SFSWAP: variants seen among roughly 807,000 people sequenced by gnomAD.
The protein encoded by SFSWAP is splicing factor, suppressor of white-apricot homolog.
Under a neutral mutation model 100.7 loss-of-function variants are expected in SFSWAP, and 17 were observed. The ratio of observed to expected loss-of-function variants is 0.17; its 90% CI spans 0.12 to 0.25. SFSWAP has a LOEUF of 0.25. Among genes scored for constraint, SFSWAP ranks in the 10% least tolerant of loss-of-function variants. The pLI is 1.00. For synonymous variants in SFSWAP, 504 were observed against 510.1 expected (o/e 0.99, Z 0.16); for missense variants, 1,005 against 1,262.6 (o/e 0.80, Z 3.09).
chr12:131,745,776 A>T (rs1881047414), intron 7 of SFSWAP, among the ~76,000 whole-genome samples: 1 of 151,942 alleles, frequency 6.6e-6, no homozygotes, highest in Non-Finnish European at 1.5e-5. Context: ...TTGGCAAAAA[A>T]AAAAAGGTAG....
chr12:131,723,390 C>T (rs1878666747), intron 4 of SFSWAP: 1 of 152,120 alleles, frequency 6.6e-6, no homozygotes, highest in African/African-American at 2.4e-5. Context: ...ATATATGTCC[C>T]TCTATTCCTT....
rs370891564 is a variant in SFSWAP, at chr12:131,778,368, G to A, written c.2408+38G>A. ...GGGGCAGCACCTCTGGTACCCTCATGACCCCCATGTCCTTCACAGGACACC... is the reference window on the plus strand; with the variant it reads ...GGGGCAGCACCTCTGGTACCCTCATAACCCCCATGTCCTTCACAGGACACC... On this transcript the variant is annotated intron_variant, in intron 14 of 17. Transcript: ENST00000261674. The surrounding 1 kb of genome is among the most constrained non-coding windows in gnomAD (Gnocchi z 4.2). 101 of 1,596,804 alleles carry A rather than the reference G, an allele frequency of 6.3e-5. No homozygotes were observed. In the African/African-American group the frequency reaches 1.3e-3, roughly 20 times the overall value.
intron 7 of SFSWAP, among the ~76,000 whole-genome samples, chr12:131,752,254 A>G (rs1006214672): frequency 6.6e-6 from 1 of 152,250 alleles, no homozygotes; most frequent in South Asian, 2.1e-4. Flanking sequence ...TATTTTTGCC[A>G]TCTCCTAATA....
intron 7 of SFSWAP, among the ~76,000 whole-genome samples, chr12:131,750,804 G>A (rs893551413): frequency 6.6e-6 from 1 of 152,148 alleles, no homozygotes; most frequent in Non-Finnish European, 1.5e-5. Flanking sequence ...CCATCCTCCT[G>A]CCACAGCCTC....
chr12:131,766,733 TTTAA>T (rs1297211501), intron 13 of SFSWAP, among the ~76,000 whole-genome samples: 1 of 152,174 alleles, frequency 6.6e-6, no homozygotes, highest in Non-Finnish European at 1.5e-5. Context: ...ATGTCAGCAC[TTTAA>T]TTAAAGAGAA....
At chr12:131,787,495 A>T (rs1182366458) in intron 15 of SFSWAP, among the ~76,000 whole-genome samples, 2 of 152,122 alleles carry the variant, frequency 1.3e-5, no homozygotes, top group African/African-American at 4.8e-5. Context: ...TTGTGTCCCC[A>T]TGTGGAGTTC....
chr12:131,760,590 T>A (rs1458908623), intron 11 of SFSWAP, among the ~76,000 whole-genome samples: 1 of 152,236 alleles, frequency 6.6e-6, no homozygotes, highest in African/African-American at 2.4e-5. Flanking sequence ...AATGACCTTC[T>A]ACTCCTAGAA....
chr12:131,761,083 A>C (rs1483646759), intron 11 of SFSWAP, among the ~76,000 whole-genome samples: 2 of 152,112 alleles, frequency 1.3e-5, no homozygotes, highest in African/African-American at 4.8e-5. Flanking sequence ...AAGTGAAAAT[A>C]GCAGGTTATG....
intron 7 of SFSWAP, among the ~76,000 whole-genome samples, chr12:131,744,831 TG>T (rs1184858104): frequency 6.6e-6 from 1 of 152,204 alleles, no homozygotes; most frequent in African/African-American, 2.4e-5. Context: ...CTCACAATCA[TG>T]GCAGAAGGCA....
chr12:131,731,935 A>G (rs1452271795), intron 7 of SFSWAP, among the ~76,000 whole-genome samples: 33 of 97,288 alleles, frequency 3.4e-4, no homozygotes, highest in Admixed American at 1.2e-3. Context: ...TTTGAGACGG[A>G]GTCTCTCTGT....
intron 11 of SFSWAP, among the ~76,000 whole-genome samples, chr12:131,763,277 A>AGC (rs1187477078): frequency 6.6e-6 from 1 of 152,186 alleles, no homozygotes; most frequent in Non-Finnish European, 1.5e-5. Flanking sequence ...CCCTTCCAGA[A>AGC]GCGGCCTTGT....
At chr12:131,797,674 A>G (rs1054894253) in intron 16 of SFSWAP, among the ~76,000 whole-genome samples, 1 of 152,226 alleles carries the variant, frequency 6.6e-6, no homozygotes, top group African/African-American at 2.4e-5. Context: ...GGGCTGTGCA[A>G]TGACCAGTAG....
Position 131,786,601 on chromosome 12 carries a change from G to C in SFSWAP, c.2534+13G>C. Reference sequence around the variant, plus strand: ...GGACCCGCTCCAGGTAGGCCACTGGGTGTGCACGCAGGTGCTGGATGTGGG... The same window carrying C: ...GGACCCGCTCCAGGTAGGCCACTGGCTGTGCACGCAGGTGCTGGATGTGGG... On this transcript the variant is annotated intron_variant, in intron 15 of 17. Transcript: ENST00000261674. 7 of 1,586,540 alleles carry C rather than the reference G, an allele frequency of 4.4e-6. No homozygotes were observed. Among genetic ancestry groups the C allele is most frequent in the Non-Finnish European group, 6.0e-6 (7 of 1,168,058 alleles).
In SFSWAP at chr12:131,711,210, TGGACGCCGG is replaced by T; in HGVS notation, c.-13_-5del. On this transcript the variant is annotated 5_prime_UTR_variant, in exon 1 of 18. Coordinates refer to ENST00000261674, the MANE Select transcript of SFSWAP (RefSeq NM_004592.4). This position sits in a 1 kb window ranked among gnomAD's most constrained non-coding sequence, Gnocchi z 4.9. ...CGCGCGGCACAGAAGAGGACCAGCC[TGGACGCCGG>T]GGACGCTGTCATGTACGGCGCGAGC... 6.4e-7 allele frequency: 1 copy of T among 1,570,244 alleles called. No homozygotes were observed. The highest frequency in any genetic ancestry group is 8.6e-7 in the Non-Finnish European group (1 of 1,161,372).
Position 131,778,348 on chromosome 12 carries a change from AGCACC to A in SFSWAP, c.2408+19_2408+23del, listed in dbSNP as rs770117589. The A allele has an allele frequency of 1.0e-5, 16 of 1,607,920 alleles. No homozygotes were observed. The East Asian group carries it at 3.6e-4, about 36-fold the overall frequency. On this transcript the variant is annotated intron_variant, in intron 14 of 17. Transcript: ENST00000261674. This position sits in a 1 kb window ranked among gnomAD's most constrained non-coding sequence, Gnocchi z 4.2. The stretch of plus-strand genomic sequence containing the variant: ...CGGTCGAGGTGGGTGTGAAGGGGGC[AGCACC>A]TCTGGTACCCTCATGACCCCCATGT...
intron 15 of SFSWAP, among the ~76,000 whole-genome samples, chr12:131,792,165 C>G (rs1275052163): frequency 6.7e-6 from 1 of 148,490 alleles, no homozygotes; most frequent in Non-Finnish European, 1.5e-5. Flanking sequence ...TGTGTGTGCA[C>G]CCGTGTGTGT....
chr12:131,721,017 T>C (rs1023715169), intron 4 of SFSWAP, among the ~76,000 whole-genome samples: 4 of 152,178 alleles, frequency 2.6e-5, no homozygotes, highest in South Asian at 2.1e-4. Flanking sequence ...AGGAAACTTA[T>C]AGTCATGGCG....
intron 15 of SFSWAP, among the ~76,000 whole-genome samples, 189 bp downstream of exon 15, chr12:131,786,777 G>A (rs760724754): frequency 2.6e-5 from 4 of 152,198 alleles, no homozygotes; most frequent in Non-Finnish European, 5.9e-5. Context: ...CTGAGCTCCT[G>A]TGTCTGGTGG....
intron 12 of SFSWAP, 80 bp downstream of exon 12, chr12:131,764,766 G>A (rs1044534663): frequency 1.0e-5 from 10 of 1,002,440 alleles, no homozygotes; most frequent in East Asian, 7.8e-5. Flanking sequence ...AAAAAATCTC[G>A]AGGCTGCCAA....
Sources: gnomAD v4.1 joint callset for allele counts (sites outside exome capture counted in the v4.1 genomes callset) on GRCh38, gnomAD v4.1.1 for gene constraint, Gnocchi (gnomAD v3.1) non-coding constraint, MANE v1.5 for transcripts, NCBI Gene and HGNC (gene_info 2026-07-23, HGNC 2026-07-21) for gene names.